The following PRMT5 variants were observed in gnomAD, a reference collection of about 807,000 sequenced individuals.
PRMT5 encodes protein arginine N-methyltransferase 5.
A neutral mutation model predicts 84.0 loss-of-function variants in PRMT5; 15 were observed. The ratio of observed to expected loss-of-function variants is 0.18; its 90% CI spans 0.12 to 0.28. The LOEUF is 0.28. Ranked by LOEUF, PRMT5 falls within the 10% of genes least tolerant of loss-of-function variation. The pLI is 1.00. For synonymous variants in PRMT5, 276 were observed against 292.4 expected (o/e 0.94, Z 0.57); for missense variants, 486 against 808.0 (o/e 0.60, Z 4.83).
At position 22,920,888 on chromosome 14, in the gene PRMT5, C is replaced by T. The variant is rs774134552; in HGVS notation, c.*16G>A. On this transcript the variant is annotated 3_prime_UTR_variant, in exon 17 of 17. Coordinates refer to ENST00000324366, the MANE Select transcript of PRMT5 (RefSeq NM_006109.5). ...CTGAAGCTGCTTCCAAGGCTCTGGA[C>T]ACTTGGCACGCAGGGCTAGAGGCCA... 32 of 1,613,660 alleles carry T rather than the reference C, an allele frequency of 2.0e-5. No homozygotes were observed. Among genetic ancestry groups the T allele is most frequent in the Admixed American group, 3.3e-5 (2 of 60,002 alleles).
chr14:22,926,619 AG>A, intron 5 of PRMT5, 64 bp from the exon 6 acceptor site: 6 of 1,606,338 alleles, frequency 3.7e-6, no homozygotes, highest in Non-Finnish European at 4.3e-6. Flanking sequence ...CCACAGCTCA[AG>A]GAGACCTCCC....
Position 22,924,989 on chromosome 14 carries a change from ACTC to A in PRMT5, c.826_828del (p.Glu276del), listed in dbSNP as rs1282604702. On this transcript the variant is annotated inframe_deletion, in exon 8 of 17. Transcript: ENST00000324366. This position sits in a 1 kb window ranked among gnomAD's most constrained non-coding sequence, Gnocchi z 6.5. ...TCCAGGTATTGGAGGTAGGAGCAGA[ACTC>A]CTTCTCTGAGTGGTGGTTGGTGCCT... 1.2e-6 allele frequency: 2 copies of A among 1,613,762 alleles called. No homozygotes were observed. Among genetic ancestry groups the A allele is most frequent in the East Asian group, 2.2e-5 (1 of 44,882 alleles).
chr14:22,924,932 C>T lies in PRMT5; in HGVS notation c.886G>A (p.Ala296Thr). 6.2e-7 allele frequency: 1 copy of T among 1,614,130 alleles called. No homozygotes were observed. The part of the protein sequence containing the change: ...YLSQNRPPPN[A>T]YELFAKGYED... ...TAGCCCTTGGCAAAGAGTTCATAGG[C>T]ATTAGGTGGAGGACGGTTCTGGCTT... is the stretch of plus-strand genomic sequence containing the variant. Residue 296 changes from alanine (A) to threonine (T), a missense_variant, in exon 8 of 17, where the codon GCC (alanine) becomes ACC (threonine). By Grantham distance (58) the Ala-to-Thr change is moderately conservative (BLOSUM62 0). Coordinates refer to ENST00000324366, the MANE Select transcript of PRMT5 (RefSeq NM_006109.5). This position sits in a 1 kb window ranked among gnomAD's most constrained non-coding sequence, Gnocchi z 6.5.
At position 22,924,323 on chromosome 14, in the gene PRMT5, G is replaced by T; in HGVS notation, c.1146C>A (p.Ala382=). The T allele has an allele frequency of 5.6e-6, 9 of 1,614,124 alleles. No individual in the cohort carries two copies. Among genetic ancestry groups the T allele is most frequent in the Non-Finnish European group, 7.6e-6 (9 of 1,180,036 alleles). ...CAGCATACAGCTTTATCCGCCGGTC[G>T]GCCTGCTTGGCTGCCCGCAGGGAAG... ...VNASLRAAKQ[A]DRRIKLYAVE... is the part of the protein sequence containing the mutation. Residue 382 remains alanine, a synonymous_variant, in exon 11 of 17, where the codon GCC becomes GCA. Coordinates refer to ENST00000324366, the MANE Select transcript of PRMT5 (RefSeq NM_006109.5). This position sits in a 1 kb window ranked among gnomAD's most constrained non-coding sequence, Gnocchi z 6.5.
rs368257438 is a variant in PRMT5 at position 22,926,866 on chromosome 14, C to T, written c.451-52G>A. On this transcript the variant is annotated intron_variant, in intron 4 of 16. Transcript: ENST00000324366. ...AACTCTCTTTTGAACTCATTGGGTC[C>T]AGAAAGTTTCCCTCAATAAAAAAAA... 9.9e-6 allele frequency: 13 copies of T among 1,311,798 alleles called. 1 individual carries two copies. The African/African-American group carries it at 1.2e-4, about 12-fold the overall frequency. The allele number at this position is 1,311,798 out of a possible 1,614,324, so 81.3% of individuals were successfully genotyped here. A position where few individuals can be genotyped will look rare whatever the true frequency, so the allele number is the denominator to read the frequency against.
rs529933857 is a variant in PRMT5, at chr14:22,925,833, A to C, written c.777+300T>G. On this transcript the variant is annotated intron_variant, in intron 7 of 16. Transcript: ENST00000324366. ...AGACCCTGTCTCAAAAAAAAAAAGA[A>C]AAAAGAAAAAGCCCTCTTATGCCAT... Among the ~76,000 whole-genome samples, 68 of 152,218 alleles carry C rather than the reference A, an allele frequency of 4.5e-4. No homozygotes were observed. The East Asian group carries it at 0.012, about 28-fold the overall frequency.
At position 22,923,601 on chromosome 14, in the gene PRMT5, C is replaced by T. The variant is rs1402104361; in HGVS notation, c.1375+407G>A. Among the ~76,000 whole-genome samples, 1 of 152,082 alleles carries T rather than the reference C, an allele frequency of 6.6e-6. No homozygotes were observed. The highest frequency in any genetic ancestry group is 1.5e-5 in the Non-Finnish European group (1 of 68,018). On this transcript the variant is annotated intron_variant, in intron 12 of 16. Coordinates refer to ENST00000324366, the MANE Select transcript of PRMT5 (RefSeq NM_006109.5). This position sits in a 1 kb window ranked among gnomAD's most constrained non-coding sequence, Gnocchi z 5.2. Reference sequence around the variant, plus strand: ...CAATCTCAGCTCACTGCAACCTTCTCCTCCCAGGTTCAAGTGATTCTCGCG... The same window carrying T: ...CAATCTCAGCTCACTGCAACCTTCTTCTCCCAGGTTCAAGTGATTCTCGCG...
intron 1 of PRMT5, 45 bp downstream of exon 1, chr14:22,929,207 C>G: frequency 1.2e-6 from 2 of 1,614,038 alleles, no homozygotes; most frequent in Non-Finnish European, 1.7e-6. Flanking sequence ...TTCTCCGTCC[C>G]CGAGTTCGGA....
rs746821334 is a variant in PRMT5, at chr14:22,929,126, G to GT, written c.110+125dup. On this transcript the variant is annotated intron_variant, in intron 1 of 16. Coordinates refer to ENST00000324366, the MANE Select transcript of PRMT5 (RefSeq NM_006109.5). Reference sequence around the variant, plus strand: ...GTCCGAGGCTCCTCCCCTCCAAAGAGTAATAGTCTCTCCCCTCCTCATCCT... The same window carrying GT: ...GTCCGAGGCTCCTCCCCTCCAAAGAGTTAATAGTCTCTCCCCTCCTCATCCT... 2.5e-6 allele frequency: 4 copies of GT among 1,611,510 alleles called. No homozygotes were observed. The South Asian group carries it at 4.4e-5, about 18-fold the overall frequency.
In PRMT5 at chr14:22,923,193, G is replaced by C; in HGVS notation, c.1376-33C>G. ...GCAGGAGAGTCAAATTAGTTCCAGA[G>C]GGAGGGAAATGGTATGTCTGTACTA... On this transcript the variant is annotated intron_variant, in intron 12 of 16. Coordinates refer to ENST00000324366, the MANE Select transcript of PRMT5 (RefSeq NM_006109.5). The surrounding 1 kb of genome is among the most constrained non-coding windows in gnomAD (Gnocchi z 5.2). 3 of 1,508,806 alleles carry C rather than the reference G, an allele frequency of 2.0e-6. No homozygotes were observed. The highest frequency in any genetic ancestry group is 2.7e-6 in the Non-Finnish European group (3 of 1,099,390). The allele number at this position is 1,508,806 out of a possible 1,614,324, so 93.5% of individuals were successfully genotyped here. A position where few individuals can be genotyped will look rare whatever the true frequency, so the allele number is the denominator to read the frequency against.
In PRMT5 at chr14:22,923,986, C is replaced by A. The variant is rs571610558; in HGVS notation, c.1375+22G>T. On this transcript the variant is annotated intron_variant, in intron 12 of 16. Transcript: ENST00000324366. This position sits in a 1 kb window ranked among gnomAD's most constrained non-coding sequence, Gnocchi z 5.2. ...TGTCTCACCCATCATCACCCTCCAC[C>A]TACACCCCAACCTGGGGGCACCTTT... 2.6e-6 allele frequency: 4 copies of A among 1,537,470 alleles called. No homozygotes were observed. In the African/African-American group the frequency reaches 5.5e-5, roughly 21 times the overall value.
Position 22,929,326 on chromosome 14 carries a change from G to A in PRMT5, c.36C>T (p.Ser12=), listed in dbSNP as rs750833389. 8 of 1,611,864 alleles carry A rather than the reference G, an allele frequency of 5.0e-6. No individual in the cohort carries two copies. In the South Asian group the frequency reaches 7.7e-5, roughly 15 times the overall value. The change falls in exon 1 of 17, where the codon AGC becomes AGT. Residue 12 remains serine (S), a synonymous_variant. Coordinates refer to ENST00000324366, the MANE Select transcript of PRMT5 (RefSeq NM_006109.5). ...TCAGGTCCCTCCCGCTGGACACGCG[G>A]CTCCCACCAGCACCCCCGACCGCCA... ...AAMAVGGAGG[S]RVSSGRDLNC... is the part of the protein sequence containing the mutation.
In PRMT5 at chr14:22,920,851, C is replaced by T; in HGVS notation, c.*53G>A. 1.9e-6 allele frequency: 3 copies of T among 1,609,498 alleles called. No homozygotes were observed. The highest frequency in any genetic ancestry group is 2.6e-6 in the Non-Finnish European group (3 of 1,176,084). On this transcript the variant is annotated 3_prime_UTR_variant, in exon 17 of 17. Transcript: ENST00000324366. ...TAGATGTACTGCACCTTCTGTACTACAGGAGCAGAACCTGAAGCTGCTTCC... is the reference window on the plus strand; with the variant it reads ...TAGATGTACTGCACCTTCTGTACTATAGGAGCAGAACCTGAAGCTGCTTCC...
At position 22,928,290 on chromosome 14, in the gene PRMT5, C is replaced by A. The variant is rs763535341; in HGVS notation, c.230-79G>T. 36 of 1,497,226 alleles carry A rather than the reference C, an allele frequency of 2.4e-5. No homozygotes were observed. The highest frequency in any genetic ancestry group is 3.3e-5 in the Non-Finnish European group (36 of 1,079,430). 92.7% of individuals were successfully genotyped at this position (1,497,226 alleles called of 1,614,324 possible). A position where few individuals can be genotyped will look rare whatever the true frequency, so the allele number is the denominator to read the frequency against. On this transcript the variant is annotated intron_variant, in intron 2 of 16. Transcript: ENST00000324366. This position sits in a 1 kb window ranked among gnomAD's most constrained non-coding sequence, Gnocchi z 4.8. The stretch of plus-strand genomic sequence containing the variant: ...TTGTTCAATTTTTAGTTTTGGGAAT[C>A]AAGAGTAGAAATGAGAGACAAAGGT...
Position 22,926,076 on chromosome 14 carries a change from A to G in PRMT5, c.777+57T>C, listed in dbSNP as rs886289727. On this transcript the variant is annotated intron_variant, in intron 7 of 16. Transcript: ENST00000324366. ...CTCACAGGAAAAAACGATCATACAC[A>G]GGTAAATAAGGCAAGATGTATAGCT... is the stretch of plus-strand genomic sequence containing the variant. The G allele has an allele frequency of 1.3e-5, 19 of 1,492,158 alleles. No individual in the cohort carries two copies. In the African/African-American group the frequency reaches 2.2e-4, roughly 18 times the overall value. The allele number at this position is 1,492,158 out of a possible 1,614,324, so 92.4% of individuals were successfully genotyped here. A position where few individuals can be genotyped will look rare whatever the true frequency, so the allele number is the denominator to read the frequency against.
chr14:22,928,359 G>T lies in PRMT5; in HGVS notation c.229+138C>A. 8.7e-7 allele frequency: 1 copy of T among 1,147,584 alleles called. No individual in the cohort carries two copies. The highest frequency in any genetic ancestry group is 1.3e-6 in the Non-Finnish European group (1 of 774,664). The allele number at this position is 1,147,584 out of a possible 1,614,324, so 71.1% of individuals were successfully genotyped here. A position where few individuals can be genotyped will look rare whatever the true frequency, so the allele number is the denominator to read the frequency against. On this transcript the variant is annotated intron_variant, in intron 2 of 16. Coordinates refer to ENST00000324366, the MANE Select transcript of PRMT5 (RefSeq NM_006109.5). This position sits in a 1 kb window ranked among gnomAD's most constrained non-coding sequence, Gnocchi z 4.8. The stretch of plus-strand genomic sequence containing the variant: ...GGATAGCCTGATGCAGAATAGAGAA[G>T]CAAGGAGAAAACAAGTTATCTATAT...
Position 22,924,117 on chromosome 14 carries a change from T to C in PRMT5, c.1266A>G (p.Glu422=), listed in dbSNP as rs147819063. 1.9e-6 allele frequency: 3 copies of C among 1,613,692 alleles called. No homozygotes were observed. Among genetic ancestry groups the C allele is most frequent in the Non-Finnish European group, 2.5e-6 (3 of 1,179,856 alleles). Reference sequence around the variant, plus strand: ...TGTCTGCTTTCTCTGGAGCCACCCATTCCCTCATGTCTGATGAGACTACGG... The same window carrying C: ...TGTCTGCTTTCTCTGGAGCCACCCACTCCCTCATGTCTGATGAGACTACGG... ...QVTVVSSDMR[E]WVAPEKADII... The change falls in exon 12 of 17, where the codon GAA becomes GAG. Residue 422 remains glutamate (E), a synonymous_variant. Transcript: ENST00000324366. The surrounding 1 kb of genome is among the most constrained non-coding windows in gnomAD (Gnocchi z 6.5).
At chr14:22,927,072 C>T (rs1014937795) in intron 4 of PRMT5, among the ~76,000 whole-genome samples, 30 of 150,674 alleles carry the variant, frequency 2.0e-4, no homozygotes, top group Non-Finnish European at 2.5e-4. Flanking sequence ...TGGAGAGGTG[C>T]GCAATACTGA....
rs1239368982 is a variant in PRMT5, at chr14:22,928,829, A to G, written c.111-214T>C. On this transcript the variant is annotated intron_variant, in intron 1 of 16. Coordinates refer to ENST00000324366, the MANE Select transcript of PRMT5 (RefSeq NM_006109.5). This position sits in a 1 kb window ranked among gnomAD's most constrained non-coding sequence, Gnocchi z 4.8. ...AAACACAGCCATGGGACATATGAGT[A>G]AGGAGAAAATGATGGATATCCACAA... Among the ~76,000 whole-genome samples, 2 of 152,170 alleles carry G rather than the reference A, an allele frequency of 1.3e-5. No individual in the cohort carries two copies.
Sources: gnomAD v4.1 joint callset for allele counts (sites outside exome capture counted in the v4.1 genomes callset) on GRCh38, gnomAD v4.1.1 for gene constraint, Gnocchi (gnomAD v3.1) non-coding constraint, MANE v1.5 for transcripts, NCBI Gene and HGNC (gene_info 2026-07-23, HGNC 2026-07-21) for gene names.